RBPJ: variants seen among roughly 807,000 people sequenced by gnomAD.
RBPJ encodes the protein recombination signal binding protein for immunoglobulin kappa J region.
Under a neutral mutation model 67.8 loss-of-function variants are expected in RBPJ, and 9 were observed. The ratio of observed to expected loss-of-function variants is 0.13; its 90% confidence interval spans 0.08 to 0.23. The LOEUF (loss-of-function observed/expected upper bound fraction) is 0.23. Among genes scored for constraint, RBPJ ranks in the 10% least tolerant of loss-of-function variants. The pLI is 1.00. For missense variants in RBPJ, 305 were observed against 595.6 expected, an observed-to-expected ratio of 0.51 and a Z score of 5.08; for synonymous variants, 198 against 203.3, an observed-to-expected ratio of 0.97 and a Z score of 0.22.
chr4:26,355,694 T>C lies in RBPJ; in HGVS notation c.21-30659T>C, dbSNP rs550751576. On this transcript the variant is annotated intron_variant, in intron 1 of 10. Transcript: ENST00000355476. Reference sequence around the variant, plus strand: ...CCAACAAAAAAGCCTCATTAACAGATAAGAACTTTGAACACCTTGAGTTAT... The same window carrying C: ...CCAACAAAAAAGCCTCATTAACAGACAAGAACTTTGAACACCTTGAGTTAT... 7.9e-5 allele frequency among the ~76,000 whole-genome samples: 12 copies of C among 152,242 alleles called. No individual in the cohort carries two copies. The East Asian group carries it at 1.5e-3, about 20-fold the overall frequency.
At chr4:26,256,510 A>G (rs1720348651) in intron 1 of RBPJ, among the ~76,000 whole-genome samples, 1 of 152,198 alleles carries the variant, frequency 6.6e-6, no homozygotes, top group Non-Finnish European at 1.5e-5. Context: ...TAAATGTTTA[A>G]CTTTTAGCCA....
intron 1 of RBPJ, among the ~76,000 whole-genome samples, chr4:26,335,924 T>TG (rs1361709069): frequency 3.9e-5 from 6 of 152,242 alleles, no homozygotes; most frequent in Admixed American, 3.9e-4. Context: ...CGCCCGGCAA[T>TG]GCTTACTTCT....
rs1157940678 is a variant in RBPJ, at chr4:26,263,869, C to CT, written c.-166-98565dup. 5.1e-3 allele frequency among the ~76,000 whole-genome samples: 678 copies of CT among 131,666 alleles called. 6 individuals are homozygous for CT. Among genetic ancestry groups the CT allele is most frequent in the East Asian group, 0.022 (95 of 4,366 alleles). The allele number at this position is 131,666 out of a possible 152,430, so 86.4% of individuals were successfully genotyped here. On this transcript the variant is annotated intron_variant, in intron 1 of 4. Coordinates refer to the RBPJ transcript ENST00000512351. ...ACAGGCGTGAGCCACAGCACCCAGT[C>CT]TTTTTTTTTTTTGTTTTTGTTTTGA...
rs532468157 is a variant in RBPJ, at chr4:26,187,203, CAG to C, written c.-167+23592_-167+23593del. On this transcript the variant is annotated intron_variant, in intron 1 of 4. Transcript: ENST00000512351. The stretch of plus-strand genomic sequence containing the variant: ...CGCTACTGCATTCCAGGCTGAGCAA[CAG>C]AGTGAGACCCTGTCTCGAAAAAACA... Among the ~76,000 whole-genome samples the C allele has an allele frequency of 1.9e-3, 295 of 152,326 alleles. 1 individual carries two copies. The highest frequency in any genetic ancestry group is 6.7e-3 in the African/African-American group (277 of 41,564).
rs113870678 is a variant in RBPJ at position 26,258,396 on chromosome 4, T to G, written c.-167+94782T>G. Among the ~76,000 whole-genome samples, 667 of 152,320 alleles carry G rather than the reference T, an allele frequency of 4.4e-3. 12 individuals carry two copies. The highest frequency in any genetic ancestry group is 0.015 in the African/African-American group (626 of 41,576). Reference sequence around the variant, plus strand: ...CTCCATTAATAAAATAGGATCTGTTTGGGTGCGTGAATAGATGTACTGGTG... The same window carrying G: ...CTCCATTAATAAAATAGGATCTGTTGGGGTGCGTGAATAGATGTACTGGTG... On this transcript the variant is annotated intron_variant, in intron 1 of 4. Coordinates refer to the RBPJ transcript ENST00000512351.
At chr4:26,255,537 T>TGA (rs1164627790) in intron 1 of RBPJ, among the ~76,000 whole-genome samples, 4 of 149,686 alleles carry the variant, frequency 2.7e-5, no homozygotes, top group African/African-American at 9.9e-5. Flanking sequence ...GCGTGGTGGC[T>TGA]CAAGCCTGTA....
chr4:26,325,709 T>A (rs1047442847), intron 1 of RBPJ, among the ~76,000 whole-genome samples: 2 of 152,214 alleles, frequency 1.3e-5, no homozygotes, highest in African/African-American at 4.8e-5. Context: ...CTTCTCCAGC[T>A]GAGTTGTTTG....
the RBPJ span, among the ~76,000 whole-genome samples, chr4:26,125,002 G>A: frequency 3.3e-5 from 5 of 152,034 alleles, no homozygotes; most frequent in South Asian, 2.1e-4. Flanking sequence ...TGTTGTCTTC[G>A]GGCACATGGT....
rs1402904340 is a variant in RBPJ at position 26,197,470 on chromosome 4, C to CA, written c.-167+33858dup. 3.3e-5 allele frequency among the ~76,000 whole-genome samples: 5 copies of CA among 152,140 alleles called. 1 individual carries two copies. The highest frequency in any genetic ancestry group is 7.4e-5 in the Non-Finnish European group (5 of 68,026). ...GAGAAAGTGGGCCAAGGAGCCAGCT[C>CA]AAGGTGAGTCATTTGGCTCAAGAGA... On this transcript the variant is annotated intron_variant, in intron 1 of 4. Transcript: ENST00000512351.
rs112289339 is a variant in RBPJ at position 26,282,820 on chromosome 4, G to A, written c.-166-79626G>A. Among the ~76,000 whole-genome samples the A allele has an allele frequency of 2.2e-3, 328 of 149,362 alleles. 1 individual carries two copies. The highest frequency in any genetic ancestry group is 7.7e-3 in the African/African-American group (314 of 40,634). ...ACAGGCATGAGCCACCACACCTGGC[G>A]GAGCTTCATGTATTTCATAATAGCT... On this transcript the variant is annotated intron_variant, in intron 1 of 4. Coordinates refer to the RBPJ transcript ENST00000512351.
At chr4:26,352,889 T>C (rs1018845574) in intron 1 of RBPJ, among the ~76,000 whole-genome samples, 4 of 152,254 alleles carry the variant, frequency 2.6e-5, no homozygotes, top group Non-Finnish European at 5.9e-5. Flanking sequence ...AATTAAAATC[T>C]AATCCAGCAT....
chr4:26,306,177 C>G (rs755186724), intron 1 of RBPJ, among the ~76,000 whole-genome samples: 9 of 152,186 alleles, frequency 5.9e-5, no homozygotes, highest in African/African-American at 9.6e-5. Flanking sequence ...TCTTTCCAAT[C>G]TGATGTCTTT....
chr4:26,245,179 C>T (rs562735764), intron 1 of RBPJ, among the ~76,000 whole-genome samples: 65 of 150,392 alleles, frequency 4.3e-4, no homozygotes, highest in African/African-American at 1.3e-3. Flanking sequence ...TTTCTTCTCT[C>T]CAGTCCCTGG....
intron 1 of RBPJ, among the ~76,000 whole-genome samples, chr4:26,244,347 G>GTGTGTGTA (rs1719819307): frequency 1.3e-5 from 2 of 150,948 alleles, no homozygotes; most frequent in African/African-American, 4.9e-5. Context: ...ACACATATGT[G>GTGTGTGTA]TGTATATATA....
At chr4:26,338,909 T>A (rs1725201034) in intron 1 of RBPJ, among the ~76,000 whole-genome samples, 1 of 152,002 alleles carries the variant, frequency 6.6e-6, no homozygotes. Flanking sequence ...AATCTCACTC[T>A]GTCTCGATCT....
At chr4:26,317,627 G>A (rs891298557), upstream of RBPJ, among the ~76,000 whole-genome samples, 5 of 152,286 alleles carry the variant, frequency 3.3e-5, no homozygotes, top group East Asian at 9.7e-4. Context: ...AAACCAGGTG[G>A]GAAATAAGAT....
At position 26,424,421 on chromosome 4, in the gene RBPJ, A is replaced by G; in HGVS notation, c.576A>G (p.Val192=). The change falls in exon 6 of 11, where the codon GTA becomes GTG. Residue 192 remains valine, a synonymous_variant. Transcript: ENST00000355476. This position sits in a 1 kb window ranked among gnomAD's most constrained non-coding sequence, Gnocchi z 5.3. ...SQTVSTRYLH[V]EGGNFHASSQ... Reference sequence around the variant, plus strand: ...CAGTTAGTACCAGATACTTGCATGTAGAAGGAGGTAATTTTCATGCCAGTT... The same window carrying G: ...CAGTTAGTACCAGATACTTGCATGTGGAAGGAGGTAATTTTCATGCCAGTT... 6.2e-7 allele frequency: 1 copy of G among 1,614,106 alleles called. No individual in the cohort carries two copies. The highest frequency in any genetic ancestry group is 8.5e-7 in the Non-Finnish European group (1 of 1,179,944).
intron 2 of RBPJ, among the ~76,000 whole-genome samples, chr4:26,393,626 C>T (rs1444132518): frequency 5.3e-5 from 8 of 152,004 alleles, no homozygotes; most frequent in Non-Finnish European, 8.8e-5. Flanking sequence ...CCGCCTGCCT[C>T]GGCCTCCCAA....
At chr4:26,220,695 G>A (rs1023649302) in intron 1 of RBPJ, among the ~76,000 whole-genome samples, 1 of 152,162 alleles carries the variant, frequency 6.6e-6, no homozygotes, top group Non-Finnish European at 1.5e-5. Context: ...ATGTCACAGA[G>A]CCTCCAAGCT....
Sources: allele counts gnomAD v4.1 joint callset (sites outside exome capture counted in the v4.1 genomes callset), GRCh38; gene constraint gnomAD v4.1.1; non-coding constraint Gnocchi (gnomAD v3.1); transcripts MANE v1.5; gene names NCBI Gene and HGNC (gene_info 2026-07-23, HGNC 2026-07-21).